FCHO1: variants seen among roughly 807,000 people sequenced by gnomAD.
FCHO1 encodes the protein FCH and mu domain containing endocytic adaptor 1.
FCHO1 carries 45 observed loss-of-function variants against 114.4 expected under a neutral mutation model. That is an observed-to-expected ratio of 0.39 (90% CI 0.31 to 0.50). The LOEUF is 0.50. FCHO1 is among the 20% of genes least tolerant of loss of function. The probability of loss-of-function intolerance (pLI) is 0.77; values close to 1 mark genes in which losing one functional copy is unlikely to be tolerated. For synonymous variants in FCHO1, 480 were observed against 488.9 expected, an observed-to-expected ratio of 0.98 and a Z score of 0.24; for missense variants, 1,042 against 1,209.6, an observed-to-expected ratio of 0.86 and a Z score of 2.06.
Position 17,775,836 on chromosome 19 carries a change from G to C in FCHO1, c.1004-147G>C. On this transcript the variant is annotated intron_variant, in intron 15 of 28. Coordinates refer to ENST00000596536, the MANE Select transcript of FCHO1 (RefSeq NM_015122.3). This position sits in a 1 kb window ranked among gnomAD's most constrained non-coding sequence, Gnocchi z 5.1. ...GGGGGTGGGAGTGCTGGTGGGACAT[G>C]GTGTCAGGACTGAAGGTGGCGCGTG... 1 of 891,540 alleles carries C rather than the reference G, an allele frequency of 1.1e-6. No homozygotes were observed. Among genetic ancestry groups the C allele is most frequent in the Non-Finnish European group, 1.7e-6 (1 of 592,790 alleles). 55.2% of individuals were successfully genotyped at this position (891,540 alleles called of 1,614,324 possible).
rs764812867 is a variant in FCHO1 at position 17,772,488 on chromosome 19, G to A, written c.626G>A (p.Arg209Lys). Residue 209 changes from arginine to lysine, a missense_variant, in exon 10 of 29, where the codon AGG becomes AAG. Coordinates refer to ENST00000596536, the MANE Select transcript of FCHO1 (RefSeq NM_015122.3). ...CAAGCCATGGAGGAGACACACCTGA[G>A]GCACATGAAGGCACTGCTGGGCTCA... ...RFQAMEETHLRHMKALLGSYA... is the reference protein window; with the variant it reads ...RFQAMEETHLKHMKALLGSYA... The A allele has an allele frequency of 1.4e-5, 22 of 1,614,080 alleles. 1 individual carries two copies. In the South Asian group the frequency reaches 2.3e-4, roughly 17 times the overall value.
chr19:17,763,479 G>T (rs2087264643), intron 5 of FCHO1, among the ~76,000 whole-genome samples: 1 of 151,154 alleles, frequency 6.6e-6, no homozygotes, highest in Admixed American at 6.6e-5. Context: ...GGCCAGGCGG[G>T]TCTCAAACTC....
At chr19:17,773,121 G>T (rs1269620220) in intron 11 of FCHO1, among the ~76,000 whole-genome samples, 1 of 152,242 alleles carries the variant, frequency 6.6e-6, no homozygotes, top group African/African-American at 2.4e-5. Context: ...AGCCATTGAG[G>T]GTTGTTGAGC....
chr19:17,784,742 C>G lies in FCHO1; in HGVS notation c.2244C>G (p.Pro748=). 6.2e-7 allele frequency: 1 copy of G among 1,614,084 alleles called. No individual in the cohort carries two copies. The highest frequency in any genetic ancestry group is 1.1e-5 in the South Asian group (1 of 91,080). The change falls in exon 26 of 29, where the codon CCC becomes CCG. Residue 748 remains proline, a synonymous_variant. Coordinates refer to ENST00000596536, the MANE Select transcript of FCHO1 (RefSeq NM_015122.3). This position sits in a 1 kb window ranked among gnomAD's most constrained non-coding sequence, Gnocchi z 5.3. ...LLRYQFSRPG[P]QSVPLQLSAH... ...CTTCCTAGTTCTCCCGCCCGGGTCC[C>G]CAGTCTGTGCCTCTGCAGCTCAGTG...
At chr19:17,764,337 G>T (rs377559160) in intron 5 of FCHO1, 38 bp from the exon 6 acceptor site, 3 of 1,600,746 alleles carry the variant, frequency 1.9e-6, no homozygotes, top group Non-Finnish European at 8.6e-7. Context: ...CACTGCGCCC[G>T]GGCAGTTTCT....
rs537056876 is a variant in FCHO1, at chr19:17,777,593, T to C, written c.1260-544T>C. ...TAAGTTAGAGCATATTCGATACTTC[T>C]AAGTGCTACGAAGAAACTAAAGCAG... On this transcript the variant is annotated intron_variant, in intron 18 of 28. Transcript: ENST00000596536. 5.4e-5 allele frequency among the ~76,000 whole-genome samples: 8 copies of C among 147,894 alleles called. No homozygotes were observed. In the East Asian group the frequency reaches 1.6e-3, roughly 30 times the overall value.
chr19:17,764,311 G>A (rs2087786160), intron 5 of FCHO1, 64 bp from the exon 6 acceptor site: 1 of 1,528,088 alleles, frequency 6.5e-7, no homozygotes, highest in Non-Finnish European at 9.1e-7. Context: ...AGAGTGCTGG[G>A]ATTACAGGCG....
At chr19:17,778,400 G>A (rs1394587232) in intron 19 of FCHO1, 172 bp downstream of exon 19, 10 of 751,078 alleles carry the variant, frequency 1.3e-5, no homozygotes, top group Non-Finnish European at 1.9e-5. Flanking sequence ...GATAGGGTGG[G>A]GCCTTGGCCA....
At chr19:17,778,310 G>A in intron 19 of FCHO1, 82 bp downstream of exon 19, 1 of 1,219,234 alleles carries the variant, frequency 8.2e-7, no homozygotes, top group Non-Finnish European at 1.2e-6. Context: ...GGCCAATGAG[G>A]TCCCCTGGAA....
intron 27 of FCHO1, among the ~76,000 whole-genome samples, chr19:17,786,865 C>A (rs1309232160): frequency 6.6e-6 from 1 of 151,664 alleles, no homozygotes; most frequent in Non-Finnish European, 1.5e-5. Flanking sequence ...CTGCAGTGAC[C>A]CGTGATCGTA....
rs1189341370 is a variant in FCHO1 at position 17,784,692 on chromosome 19, C to T, written c.2227-33C>T. On this transcript the variant is annotated intron_variant, in intron 25 of 28. Coordinates refer to ENST00000596536, the MANE Select transcript of FCHO1 (RefSeq NM_015122.3). The surrounding 1 kb of genome is among the most constrained non-coding windows in gnomAD (Gnocchi z 5.3). ...GTGTGGCAAGACAGGATGGCCCAAGCTGTGTCCTCTCTCTCATTCTCATTC... is the reference window on the plus strand; with the variant it reads ...GTGTGGCAAGACAGGATGGCCCAAGTTGTGTCCTCTCTCTCATTCTCATTC... The T allele has an allele frequency of 1.2e-6, 2 of 1,604,142 alleles. No individual in the cohort carries two copies. Among genetic ancestry groups the T allele is most frequent in the African/African-American group, 1.3e-5 (1 of 74,796 alleles).
chr19:17,781,651 C>A, intron 22 of FCHO1, 61 bp from the exon 23 acceptor site: 1 of 1,541,512 alleles, frequency 6.5e-7, no homozygotes, highest in Non-Finnish European at 8.9e-7. Flanking sequence ...GAGTCTCGAG[C>A]CTGGAGCCTA....
intron 24 of FCHO1, among the ~76,000 whole-genome samples, chr19:17,783,570 ATTTTT>A (rs1212075862): frequency 3.8e-5 from 5 of 132,096 alleles, no homozygotes; most frequent in African/African-American, 1.4e-4. Flanking sequence ...ACCCGGCTTG[ATTTTT>A]TTTTTTTAAT....
rs2093698017 is a variant in FCHO1 at position 17,784,515 on chromosome 19, T to G, written c.2227-210T>G. On this transcript the variant is annotated intron_variant, in intron 25 of 28. Coordinates refer to ENST00000596536, the MANE Select transcript of FCHO1 (RefSeq NM_015122.3). This position sits in a 1 kb window ranked among gnomAD's most constrained non-coding sequence, Gnocchi z 5.3. The stretch of plus-strand genomic sequence containing the variant: ...CAGCCCCGGAACCTTACACTTGAAC[T>G]TCCCTGGGAGACTTTGTTAGAATGA... Among the ~76,000 whole-genome samples, 1 of 152,114 alleles carries G rather than the reference T, an allele frequency of 6.6e-6. No individual in the cohort carries two copies. Among genetic ancestry groups the G allele is most frequent in the Non-Finnish European group, 1.5e-5 (1 of 68,004 alleles).
chr19:17,771,760 C>T (rs945724850), intron 9 of FCHO1, among the ~76,000 whole-genome samples: 1 of 152,192 alleles, frequency 6.6e-6, no homozygotes, highest in Non-Finnish European at 1.5e-5. Context: ...GTGGAGGTTT[C>T]AGTCATAGCT....
rs188272041 is a variant in FCHO1 at position 17,763,656 on chromosome 19, C to T, written c.120-719C>T. On this transcript the variant is annotated intron_variant, in intron 5 of 28. Coordinates refer to ENST00000596536, the MANE Select transcript of FCHO1 (RefSeq NM_015122.3). The stretch of plus-strand genomic sequence containing the variant: ...CACTGCAGCCTCGACCTACCGGGCC[C>T]AAGCGATCCTCCCACCTCAGGATCC... Among the ~76,000 whole-genome samples the T allele has an allele frequency of 1.5e-3, 220 of 150,694 alleles. 1 individual carries two copies. Among genetic ancestry groups the T allele is most frequent in the African/African-American group, 5.2e-3 (213 of 40,982 alleles).
intron 7 of FCHO1, among the ~76,000 whole-genome samples, chr19:17,768,815 A>C (rs2090369527): frequency 6.6e-6 from 1 of 151,952 alleles, no homozygotes; most frequent in South Asian, 2.1e-4. Flanking sequence ...CATTACAGGC[A>C]TGGGTCACTG....
At chr19:17,754,946 C>T in intron 3 of FCHO1, 172 bp from the exon 4 acceptor site, 1 of 585,376 alleles carries the variant, frequency 1.7e-6, no homozygotes. Flanking sequence ...ACTGGAGCTA[C>T]TTGGGACCAG....
intron 26 of FCHO1, 57 bp from the exon 27 acceptor site, chr19:17,786,517 C>G (rs373215157): frequency 2.0e-5 from 32 of 1,577,958 alleles, no homozygotes; most frequent in Non-Finnish European, 2.7e-5. Flanking sequence ...GAGGCAGGAC[C>G]CTGGGCTCTC....
Sources: gnomAD v4.1 joint callset for allele counts (sites outside exome capture counted in the v4.1 genomes callset) on GRCh38, gnomAD v4.1.1 for gene constraint, Gnocchi (gnomAD v3.1) non-coding constraint, MANE v1.5 for transcripts, NCBI Gene and HGNC (gene_info 2026-07-23, HGNC 2026-07-21) for gene names.